Variants in MYO5A observed in about 807,000 individuals in gnomAD.
MYO5A encodes unconventional myosin-Va.
In MYO5A, 98 loss-of-function variants were observed where a neutral mutation model predicts 249.7. That is an observed-to-expected ratio of 0.39 (90% CI 0.33 to 0.46). The LOEUF is 0.46. Ranked by LOEUF, MYO5A falls within the 20% of genes least tolerant of loss-of-function variation. MYO5A has a pLI of 0.98. For synonymous variants in MYO5A, 778 were observed against 810.6 expected (o/e 0.96, Z 0.68); for missense variants, 1,696 against 2,308.8 (o/e 0.73, Z 5.44).
intron 1 of MYO5A, among the ~76,000 whole-genome samples, chr15:52,526,602 T>C (rs55946989): frequency 0.15 from 23,079 of 152,084 alleles, 1,856 homozygotes; most frequent in Middle Eastern, 0.22. Flanking sequence ...CTCAGGTGAT[T>C]CACCCACCTC....
intron 20 of MYO5A, among the ~76,000 whole-genome samples, chr15:52,373,153 T>C (rs2041219014): frequency 6.6e-6 from 1 of 152,236 alleles, no homozygotes; most frequent in Admixed American, 6.5e-5. Flanking sequence ...TACTTTTGAT[T>C]TTATGTTACA....
chr15:52,483,489 C>A (rs2076756374), intron 1 of MYO5A, among the ~76,000 whole-genome samples: 1 of 152,052 alleles, frequency 6.6e-6, no homozygotes. Context: ...GAAAAAGTGA[C>A]ATCTGGGAGG....
At chr15:52,340,968 G>A (rs1371311892) in intron 31 of MYO5A, among the ~76,000 whole-genome samples, 7 of 149,542 alleles carry the variant, frequency 4.7e-5, no homozygotes, top group Admixed American at 4.6e-4. Flanking sequence ...AAAAAAAAGA[G>A]GGTCATAGGA....
intron 5 of MYO5A, 75 bp from the exon 6 acceptor site, chr15:52,410,551 G>A (rs2043202986): frequency 2.2e-6 from 3 of 1,380,500 alleles, no homozygotes; most frequent in Non-Finnish European, 3.1e-6. Flanking sequence ...TGCTCAGAGA[G>A]AGAAAAGATG....
intron 1 of MYO5A, among the ~76,000 whole-genome samples, chr15:52,483,326 A>T (rs28510975): frequency 0.017 from 2,604 of 152,214 alleles, 46 homozygotes; most frequent in African/African-American, 0.048. Context: ...GCTTGGCTGG[A>T]TCATTTGGTT....
At chr15:52,369,998 CATTGATA>C (rs1163744394) in intron 22 of MYO5A, among the ~76,000 whole-genome samples, 164 bp downstream of exon 22, 1 of 151,124 alleles carries the variant, frequency 6.6e-6, no homozygotes, top group Non-Finnish European at 1.5e-5. Context: ...ACAGCCTACT[CATTGATA>C]ATGAGAAATA....
At chr15:52,414,705 C>A (rs181376355) in intron 5 of MYO5A, among the ~76,000 whole-genome samples, 133 of 152,190 alleles carry the variant, frequency 8.7e-4, no homozygotes, top group Non-Finnish European at 1.6e-3. Context: ...TTGTCATGAC[C>A]AAAACCAGTC....
chr15:52,383,192 C>T lies in MYO5A; in HGVS notation c.1915-4G>A, dbSNP rs1186391472. ...GCAGGTGCAGGGAGTTTCTGAACTGCATGAAAAAGGGCAGAAGAGGGTATC... is the reference window on the plus strand; with the variant it reads ...GCAGGTGCAGGGAGTTTCTGAACTGTATGAAAAAGGGCAGAAGAGGGTATC... On this transcript the variant is annotated splice_polypyrimidine_tract_variant and splice_region_variant and intron_variant, in intron 15 of 41. Transcript: ENST00000399233. The T allele has an allele frequency of 3.1e-6, 5 of 1,607,992 alleles. No individual in the cohort carries two copies. The highest frequency in any genetic ancestry group is 4.3e-6 in the Non-Finnish European group (5 of 1,174,596).
chr15:52,524,884 T>A (rs1394049079), intron 1 of MYO5A, among the ~76,000 whole-genome samples: 82 of 138,124 alleles, frequency 5.9e-4, no homozygotes, highest in African/African-American at 2.0e-3. Flanking sequence ...AATAAAAAAT[T>A]AAAAAAAAAA....
intron 27 of MYO5A, among the ~76,000 whole-genome samples, chr15:52,352,540 G>C (rs929507644): frequency 9.9e-5 from 15 of 152,194 alleles, no homozygotes; most frequent in Non-Finnish European, 1.6e-4. Flanking sequence ...CCAGCACTTT[G>C]GGAGGCCGAG....
intron 30 of MYO5A, 45 bp from the exon 31 acceptor site, chr15:52,343,242 G>C: frequency 1.3e-6 from 2 of 1,496,354 alleles, no homozygotes; most frequent in South Asian, 2.3e-5. Flanking sequence ...AAAGGATACA[G>C]GATGCTGATG....
intron 25 of MYO5A, among the ~76,000 whole-genome samples, chr15:52,357,996 A>T (rs1239937846): frequency 1.3e-5 from 2 of 152,318 alleles, no homozygotes; most frequent in East Asian, 3.9e-4. Context: ...AGTTCTGGTG[A>T]CCCTTCCCAG....
At chr15:52,440,729 A>G (rs1396790925) in intron 1 of MYO5A, among the ~76,000 whole-genome samples, 3 of 152,208 alleles carry the variant, frequency 2.0e-5, no homozygotes, top group Non-Finnish European at 4.4e-5. Context: ...TGCCCCAGAC[A>G]CTTTTGGGAA....
At chr15:52,352,627 C>A (rs2040012251) in intron 27 of MYO5A, among the ~76,000 whole-genome samples, 1 of 151,760 alleles carries the variant, frequency 6.6e-6, no homozygotes, top group Admixed American at 6.6e-5. Context: ...TAAAAAAATA[C>A]AAAAAATCAG....
At chr15:52,519,878 A>G (rs1359182908) in intron 1 of MYO5A, among the ~76,000 whole-genome samples, 3 of 151,792 alleles carry the variant, frequency 2.0e-5, no homozygotes, top group East Asian at 3.9e-4. Context: ...TTACAGGCAC[A>G]CGCCACCACG....
chr15:52,392,104 G>A, intron 11 of MYO5A, 34 bp from the exon 12 acceptor site: 1 of 1,590,552 alleles, frequency 6.3e-7, no homozygotes, highest in Non-Finnish European at 8.6e-7. Flanking sequence ...AGTCATTACT[G>A]GATCATTGTA....
intron 1 of MYO5A, among the ~76,000 whole-genome samples, chr15:52,448,324 A>G (rs191551404): frequency 6.6e-6 from 1 of 152,290 alleles, no homozygotes; most frequent in East Asian, 1.9e-4. Flanking sequence ...TTGTACTTGC[A>G]TGAGGTTTGT....
At chr15:52,426,028 G>A in intron 3 of MYO5A, 54 bp from the exon 4 acceptor site, 1 of 1,500,292 alleles carries the variant, frequency 6.7e-7, no homozygotes, top group Non-Finnish European at 9.2e-7. Context: ...TACCCTAATG[G>A]GCATATCAAA....
intron 22 of MYO5A, among the ~76,000 whole-genome samples, chr15:52,368,479 T>G (rs2040927827): frequency 6.6e-6 from 1 of 152,204 alleles, no homozygotes; most frequent in Admixed American, 6.5e-5. Flanking sequence ...ATGCTCTTGG[T>G]TAGGAACCAT....
Sources: gnomAD v4.1 joint callset for allele counts (sites outside exome capture counted in the v4.1 genomes callset) on GRCh38, gnomAD v4.1.1 for gene constraint, MANE v1.5 for transcripts, NCBI Gene and HGNC (gene_info 2026-07-23, HGNC 2026-07-21) for gene names.